NOTCH4: variants seen among roughly 807,000 people sequenced by gnomAD.
NOTCH4 encodes notch receptor 4.
In NOTCH4, 138 loss-of-function variants were observed where a neutral mutation model predicts 189.0. The ratio of observed to expected loss-of-function variants is 0.73; its 90% confidence interval spans 0.64 to 0.84. The LOEUF (loss-of-function observed/expected upper bound fraction) is 0.84, where lower values mean the gene tolerates loss of function less well. NOTCH4 is among the 40% of genes least tolerant of loss of function. NOTCH4 has a pLI of 0.00. For missense variants in NOTCH4, 2,286 were observed against 2,605.4 expected (o/e 0.88, Z 2.67); for synonymous variants, 942 against 1,032.8 (o/e 0.91, Z 1.69).
Position 32,200,758 on chromosome 6 carries a change from C to T in NOTCH4, c.4315+73G>A. On this transcript the variant is annotated intron_variant, in intron 23 of 29. Transcript: ENST00000375023. The surrounding 1 kb of genome is among the most constrained non-coding windows in gnomAD (Gnocchi z 5.0). ...TCTCAGCTGTCCTGTTTGATTCAGC[C>T]TCCATTGCCTGTTGCTAGCATGAGA... 2 of 1,285,230 alleles carry T rather than the reference C, an allele frequency of 1.6e-6. No homozygotes were observed. Among genetic ancestry groups the T allele is most frequent in the Non-Finnish European group, 2.1e-6 (2 of 941,744 alleles). The allele number at this position is 1,285,230 out of a possible 1,614,324, so 79.6% of individuals were successfully genotyped here.
chr6:32,220,687 A>G (rs771509838), intron 5 of NOTCH4, 46 bp from the exon 6 acceptor site: 34 of 1,612,094 alleles, frequency 2.1e-5, no homozygotes, highest in East Asian at 4.5e-5. Context: ...TGGGAGCCCT[A>G]TGAGTAGGGG....
Position 32,223,853 on chromosome 6 carries a change from C to T in NOTCH4, c.73+3G>A, listed in dbSNP as rs1438595835. 1.2e-6 allele frequency: 2 copies of T among 1,606,212 alleles called. No homozygotes were observed. The highest frequency in any genetic ancestry group is 2.2e-5 in the South Asian group (2 of 90,530). ...CCCTCACCTCACCCACGCCATGCCT[C>T]ACCTCTGGGTCTGACCACTGAGACA... On this transcript the variant is annotated splice_donor_region_variant and intron_variant, in intron 1 of 29. Transcript: ENST00000375023.
Position 32,219,691 on chromosome 6 carries a change from G to A in NOTCH4, c.1411C>T (p.Arg471Cys), listed in dbSNP as rs753266937. 6.2e-6 allele frequency: 10 copies of A among 1,613,136 alleles called. No individual in the cohort carries two copies. Among genetic ancestry groups the A allele is most frequent in the East Asian group, 2.2e-5 (1 of 44,866 alleles). ...CACTCATTGTGATCAGCCTCACAAC[G>A]GGAGCCTGTGTAGCCAGGTGGACAG... ...CLCPPGYTGS[R>C]CEADHNECLS... The change falls in exon 8 of 30, where the codon CGT becomes TGT. Residue 471 changes from arginine (R) to cysteine (C), a missense_variant. Transcript: ENST00000375023.
intron 15 of NOTCH4, 104 bp from the exon 16 acceptor site, chr6:32,213,015 G>A: frequency 7.7e-7 from 1 of 1,294,198 alleles, no homozygotes; most frequent in African/African-American, 1.5e-5. Context: ...TGGCAAGCCA[G>A]GAGGGAAGGC....
chr6:32,205,190 A>G (rs1788596083), intron 18 of NOTCH4, among the ~76,000 whole-genome samples: 1 of 152,116 alleles, frequency 6.6e-6, no homozygotes, highest in African/African-American at 2.4e-5. Context: ...AGAGAATCCA[A>G]GGAGTGGTCA....
chr6:32,210,804 G>C lies in NOTCH4; in HGVS notation c.2813C>G (p.Pro938Arg). Reference sequence around the variant, plus strand: ...CATGCAGGTGGCCCCGTTCTGGCAAGGCCTGGACTCACATGGGTTCACGTG... The same window carrying C: ...CATGCAGGTGGCCCCGTTCTGGCAACGCCTGGACTCACATGGGTTCACGTG... ...QDHVNPCESR[P>R]CQNGATCMAQ... The change falls in exon 18 of 30, where the codon CCT becomes CGT. Residue 938 changes from proline (P) to arginine (R), a missense_variant. Coordinates refer to ENST00000375023, the MANE Select transcript of NOTCH4 (RefSeq NM_004557.4). This position sits in a 1 kb window ranked among gnomAD's most constrained non-coding sequence, Gnocchi z 4.8. 6.2e-7 allele frequency: 1 copy of C among 1,613,040 alleles called. No individual in the cohort carries two copies. Among genetic ancestry groups the C allele is most frequent in the Non-Finnish European group, 8.5e-7 (1 of 1,180,038 alleles).
Position 32,221,443 on chromosome 6 carries a change from T to C in NOTCH4, c.452-118A>G. ...TCTCATTTTCATATTTCCTTCCCTT[T>C]ATTACCATACTTTCTTTGCTCTGTT... On this transcript the variant is annotated intron_variant, in intron 3 of 29. Coordinates refer to ENST00000375023, the MANE Select transcript of NOTCH4 (RefSeq NM_004557.4). This position sits in a 1 kb window ranked among gnomAD's most constrained non-coding sequence, Gnocchi z 4.3. 1 of 722,096 alleles carries C rather than the reference T, an allele frequency of 1.4e-6. No homozygotes were observed. Among genetic ancestry groups the C allele is most frequent in the Non-Finnish European group, 2.3e-6 (1 of 439,406 alleles). 44.7% of individuals were successfully genotyped at this position (722,096 alleles called of 1,614,324 possible). A position where few individuals can be genotyped will look rare whatever the true frequency, so the allele number is the denominator to read the frequency against.
Position 32,213,674 on chromosome 6 carries a change from C to G in NOTCH4, c.2320+14G>C, listed in dbSNP as rs142418137. 1.1e-4 allele frequency: 176 copies of G among 1,612,280 alleles called. 1 individual carries two copies. The East Asian group carries it at 3.9e-3, about 36-fold the overall frequency. On this transcript the variant is annotated intron_variant, in intron 14 of 29. Coordinates refer to ENST00000375023, the MANE Select transcript of NOTCH4 (RefSeq NM_004557.4). The stretch of plus-strand genomic sequence containing the variant: ...TCCTGTGGACCCCAGCCCCATGACA[C>G]AGTGGGCACTCACCAGACACACAGT...
At position 32,199,702 on chromosome 6, in the gene NOTCH4, T is replaced by TAAAA. The variant is rs1788216948; in HGVS notation, c.4316-558_4316-557insTTTT. ...CTGGGCGACAAGGCAAGACTCTGTCTCAAACAAAACAAAACAAAAACAAAA... is the reference window on the plus strand; with the variant it reads ...CTGGGCGACAAGGCAAGACTCTGTCTAAAACAAACAAAACAAAACAAAAACAAAA... On this transcript the variant is annotated intron_variant, in intron 23 of 29. Transcript: ENST00000375023. This position sits in a 1 kb window ranked among gnomAD's most constrained non-coding sequence, Gnocchi z 4.9. 2.2e-5 allele frequency among the ~76,000 whole-genome samples: 1 copy of TAAAA among 46,506 alleles called. No homozygotes were observed. The highest frequency in any genetic ancestry group is 1.3e-4 in the African/African-American group (1 of 7,954). The allele number at this position is 46,506 out of a possible 152,430, so 30.5% of individuals were successfully genotyped here. A position where few individuals can be genotyped will look rare whatever the true frequency, so the allele number is the denominator to read the frequency against.
chr6:32,220,337 A>C, intron 6 of NOTCH4, 53 bp from the exon 7 acceptor site: 13 of 1,610,430 alleles, frequency 8.1e-6, no homozygotes, highest in Non-Finnish European at 1.1e-5. Context: ...AGCTCCTAGC[A>C]GTCCTCCTGG....
chr6:32,196,135 A>C lies in NOTCH4; in HGVS notation c.5314T>G (p.Phe1772Val). Residue 1772 changes from phenylalanine (F) to valine (V), a missense_variant, in exon 30 of 30, where the codon TTC becomes GTC. By Grantham distance (50) the Phe-to-Val change is conservative. Transcript: ENST00000375023. ...ACCGCTCCTTCCCGCGCCGCCAGGA[A>C]TAGCGGCGTCTGCTCCTGTACAGAA... Reference protein sequence around the residue: ...AQDNREQTPLFLAAREGAVEV... With the variant: ...AQDNREQTPLVLAAREGAVEV... The C allele has an allele frequency of 6.3e-7, 1 of 1,590,442 alleles. No homozygotes were observed. Among genetic ancestry groups the C allele is most frequent in the Non-Finnish European group, 8.5e-7 (1 of 1,175,026 alleles).
At position 32,199,316 on chromosome 6, in the gene NOTCH4, C is replaced by T. The variant is rs1293695146; in HGVS notation, c.4316-171G>A. 6.6e-6 allele frequency among the ~76,000 whole-genome samples: 1 copy of T among 152,192 alleles called. No homozygotes were observed. The highest frequency in any genetic ancestry group is 1.5e-5 in the Non-Finnish European group (1 of 68,030). On this transcript the variant is annotated intron_variant, in intron 23 of 29. Coordinates refer to ENST00000375023, the MANE Select transcript of NOTCH4 (RefSeq NM_004557.4). This position sits in a 1 kb window ranked among gnomAD's most constrained non-coding sequence, Gnocchi z 4.9. ...GCACAGTGGCTCATGCCTGTAATCC[C>T]AGCACTTTGGGAAGCTGAGGCAGGT...
At position 32,198,512 on chromosome 6, in the gene NOTCH4, A is replaced by G. The variant is rs1788120700; in HGVS notation, c.4665T>C (p.Ser1555=). 6.2e-7 allele frequency: 1 copy of G among 1,612,832 alleles called. No individual in the cohort carries two copies. The highest frequency in any genetic ancestry group is 8.5e-7 in the Non-Finnish European group (1 of 1,179,984). The part of the protein sequence containing the change: ...PPSTCQLWSL[S]GGCGALPQAA... ...CCTGAGGGAGCGCCCCACAGCCACCACTCAGAGACCAGAGCTGGCACGTGG... is the reference window on the plus strand; with the variant it reads ...CCTGAGGGAGCGCCCCACAGCCACCGCTCAGAGACCAGAGCTGGCACGTGG... Residue 1555 remains serine (S), a synonymous_variant, in exon 26 of 30, where the codon AGT becomes AGC. Coordinates refer to ENST00000375023, the MANE Select transcript of NOTCH4 (RefSeq NM_004557.4). This position sits in a 1 kb window ranked among gnomAD's most constrained non-coding sequence, Gnocchi z 5.5.
chr6:32,202,465 A>T lies in NOTCH4; in HGVS notation c.3366T>A (p.Gly1122=). The change falls in exon 21 of 30, where the codon GGT becomes GGA. Residue 1122 remains glycine, a synonymous_variant. Coordinates refer to ENST00000375023, the MANE Select transcript of NOTCH4 (RefSeq NM_004557.4). This position sits in a 1 kb window ranked among gnomAD's most constrained non-coding sequence, Gnocchi z 5.7. The stretch of plus-strand genomic sequence containing the variant: ...GAGCTGGTGGGGTCAGGCAGTCAGG[A>T]CCCCCATAGCCACTGAGGCAGGCAC... ...PRCACLSGYG[G]PDCLTPPAPK... 6.2e-7 allele frequency: 1 copy of T among 1,612,174 alleles called. No individual in the cohort carries two copies. The highest frequency in any genetic ancestry group is 8.5e-7 in the Non-Finnish European group (1 of 1,179,740).
At chr6:32,214,487 A>T (rs561855731) in intron 12 of NOTCH4, among the ~76,000 whole-genome samples, 1 of 150,274 alleles carries the variant, frequency 6.7e-6, no homozygotes, top group Admixed American at 6.6e-5. Context: ...ATATATATAC[A>T]CACATATATA....
At chr6:32,197,819 CTTTTTT>C (rs9281668) in intron 26 of NOTCH4, among the ~76,000 whole-genome samples, 1 of 132,994 alleles carries the variant, frequency 7.5e-6, no homozygotes, top group Non-Finnish European at 1.6e-5. Flanking sequence ...GTGGTTTTCT[CTTTTTT>C]TTTTTTTTTT....
At chr6:32,213,079 G>C in intron 15 of NOTCH4, 56 bp downstream of exon 15, 3 of 1,364,680 alleles carry the variant, frequency 2.2e-6, no homozygotes, top group South Asian at 1.2e-5. Context: ...GATGAGAGGA[G>C]GGGTGGGAAG....
chr6:32,219,580 T>G lies in NOTCH4; in HGVS notation c.1510+12A>C, dbSNP rs1321014859. On this transcript the variant is annotated intron_variant, in intron 8 of 29. Transcript: ENST00000375023. Reference sequence around the variant, plus strand: ...CCTGTTTTCCCCACCCAAGGCCCCATCCAGCTGATACCTGGCGGGCAGAGG... The same window carrying G: ...CCTGTTTTCCCCACCCAAGGCCCCAGCCAGCTGATACCTGGCGGGCAGAGG... 9.9e-6 allele frequency: 16 copies of G among 1,611,188 alleles called. No individual in the cohort carries two copies. The highest frequency in any genetic ancestry group is 1.4e-5 in the Non-Finnish European group (16 of 1,179,078).
rs147733226 is a variant in NOTCH4 at position 32,214,911 on chromosome 6, A to G, written c.2021+315T>C. The stretch of plus-strand genomic sequence containing the variant: ...AAAGTGCTGGGATTACCGGCATGAG[A>G]CCGTAATCAGCACTGCGCCTGGCCT... On this transcript the variant is annotated intron_variant, in intron 12 of 29. Coordinates refer to ENST00000375023, the MANE Select transcript of NOTCH4 (RefSeq NM_004557.4). Among the ~76,000 whole-genome samples the G allele has an allele frequency of 1.7e-3, 258 of 152,160 alleles. 11 individuals are homozygous for G. The East Asian group carries it at 0.037, about 22-fold the overall frequency.
Sources: allele counts gnomAD v4.1 joint callset (sites outside exome capture counted in the v4.1 genomes callset), GRCh38; gene constraint gnomAD v4.1.1; non-coding constraint Gnocchi (gnomAD v3.1); transcripts MANE v1.5; gene names NCBI Gene and HGNC (gene_info 2026-07-23, HGNC 2026-07-21).